PRKCI: variants seen among roughly 807,000 people sequenced by gnomAD.
PRKCI encodes protein kinase C iota, also known as protein kinase C iota type.
A neutral mutation model predicts 84.0 loss-of-function variants in PRKCI; 43 were observed. The ratio of observed to expected loss-of-function variants is 0.51; its 90% confidence interval spans 0.40 to 0.66. The LOEUF (loss-of-function observed/expected upper bound fraction) is 0.66. PRKCI is among the 30% of genes least tolerant of loss of function. PRKCI has a pLI of 0.00. For synonymous variants in PRKCI, 216 were observed against 234.4 expected, an observed-to-expected ratio of 0.92 and a Z score of 0.72; for missense variants, 459 against 745.6, an observed-to-expected ratio of 0.62 and a Z score of 4.48.
chr3:170,251,736 C>A (rs1351597344), intron 2 of PRKCI, among the ~76,000 whole-genome samples: 3 of 151,482 alleles, frequency 2.0e-5, no homozygotes, highest in Non-Finnish European at 4.4e-5. Flanking sequence ...ATGGTGAAAC[C>A]CTGTCTCTAC....
intron 1 of PRKCI, among the ~76,000 whole-genome samples, chr3:170,230,853 G>A (rs1481170967): frequency 6.6e-6 from 1 of 151,994 alleles, no homozygotes; most frequent in Non-Finnish European, 1.5e-5. Flanking sequence ...GATTTTAGGG[G>A]AGAGATCTAT....
intron 14 of PRKCI, among the ~76,000 whole-genome samples, chr3:170,294,487 C>T (rs370757307): frequency 1.3e-4 from 20 of 152,276 alleles, no homozygotes; most frequent in East Asian, 5.8e-4. Context: ...CATTTCATAT[C>T]GGTACATTTG....
chr3:170,280,348 C>A lies in PRKCI; in HGVS notation c.827C>A (p.Thr276Lys). The A allele has an allele frequency of 3.7e-6, 6 of 1,613,650 alleles. No homozygotes were observed. Among genetic ancestry groups the A allele is most frequent in the Non-Finnish European group, 5.1e-6 (6 of 1,179,802 alleles). ...AKVLLVRLKKTDRIYAMKVVK... is the reference protein window; with the variant it reads ...AKVLLVRLKKKDRIYAMKVVK... ...GTACTGTTGGTTCGATTAAAAAAAACAGATCGTATTTATGCAATGAAAGTT... is the reference window on the plus strand; with the variant it reads ...GTACTGTTGGTTCGATTAAAAAAAAAAGATCGTATTTATGCAATGAAAGTT... The change falls in exon 9 of 18, where the codon ACA becomes AAA. Residue 276 changes from threonine (T) to lysine (K), a missense_variant. Thr to Lys is a moderately conservative substitution (Grantham distance 78, BLOSUM62 -1). Coordinates refer to ENST00000295797, the MANE Select transcript of PRKCI (RefSeq NM_002740.6).
intron 1 of PRKCI, among the ~76,000 whole-genome samples, chr3:170,230,950 A>ATT (rs748473877): frequency 2.7e-4 from 37 of 138,008 alleles, no homozygotes; most frequent in African/African-American, 6.4e-4. Context: ...TCATTATTTA[A>ATT]TTTTTTTTTT....
chr3:170,295,401 G>T (rs1005784084), intron 14 of PRKCI, among the ~76,000 whole-genome samples: 1 of 151,920 alleles, frequency 6.6e-6, no homozygotes, highest in African/African-American at 2.4e-5. Context: ...GGGCGCAGTG[G>T]CTCACACCTG....
chr3:170,250,432 A>AC (rs67204438), intron 2 of PRKCI, among the ~76,000 whole-genome samples: 11,317 of 55,112 alleles, frequency 0.21, 1,617 homozygotes, highest in Non-Finnish European at 0.24. Context: ...TTCATTACCA[A>AC]CCCCCCCCCC....
intron 6 of PRKCI, among the ~76,000 whole-genome samples, 190 bp downstream of exon 6, chr3:170,270,751 A>G (rs1733982832): frequency 6.6e-6 from 1 of 152,162 alleles, no homozygotes; most frequent in Non-Finnish European, 1.5e-5. Flanking sequence ...TATCTGTGGT[A>G]ATACTTGTCT....
intron 3 of PRKCI, among the ~76,000 whole-genome samples, chr3:170,262,645 A>AT (rs1000054831): frequency 9.9e-5 from 15 of 151,564 alleles, no homozygotes; most frequent in South Asian, 2.1e-4. Context: ...TGCCAGGCTA[A>AT]TTTTTTTTGT....
At chr3:170,238,378 A>G (rs1420322603) in intron 2 of PRKCI, among the ~76,000 whole-genome samples, 2 of 151,554 alleles carry the variant, frequency 1.3e-5, no homozygotes, top group Non-Finnish European at 2.9e-5. Flanking sequence ...AAAAAAAATT[A>G]TATACAAATC....
rs375200459 is a variant in PRKCI, at chr3:170,281,171, T to C, written c.888T>C (p.Ile296=). The C allele has an allele frequency of 7.4e-6, 12 of 1,612,248 alleles. No homozygotes were observed. In the African/African-American group the frequency reaches 1.1e-4, roughly 14 times the overall value. Residue 296 remains isoleucine (I), a synonymous_variant, in exon 10 of 18, where the codon ATT becomes ATC. Coordinates refer to ENST00000295797, the MANE Select transcript of PRKCI (RefSeq NM_002740.6). ...TCTTACATGTTTCAAAATAGGATAT[T>C]GATTGGGTACAGACAGAGAAGCATG... is the stretch of plus-strand genomic sequence containing the variant. ...KKELVNDDED[I]DWVQTEKHVF...
At chr3:170,284,372 T>C in intron 11 of PRKCI, 89 bp from the exon 12 acceptor site, 7 of 1,146,374 alleles carry the variant, frequency 6.1e-6, no homozygotes, top group South Asian at 1.8e-5. Flanking sequence ...GAAAAAAATA[T>C]GTTTTAATAT....
intron 10 of PRKCI, 163 bp from the exon 11 acceptor site, chr3:170,281,719 G>T (rs182122862): frequency 9.1e-5 from 76 of 834,854 alleles, no homozygotes; most frequent in Non-Finnish European, 1.1e-4. Flanking sequence ...TTACTTTCTC[G>T]TATGTTCCGT....
intron 14 of PRKCI, 65 bp from the exon 15 acceptor site, chr3:170,295,846 A>G: frequency 5.0e-6 from 5 of 996,548 alleles, no homozygotes; most frequent in Non-Finnish European, 7.2e-6. Flanking sequence ...CCCTTTCAAA[A>G]AAGAAGAAAA....
chr3:170,267,693 AAAG>A (rs1270061445), intron 4 of PRKCI, among the ~76,000 whole-genome samples: 6 of 151,512 alleles, frequency 4.0e-5, no homozygotes, highest in African/African-American at 1.5e-4. Flanking sequence ...AAAAAAAAAA[AAAG>A]GACAAGCAGT....
rs564820079 is a variant in PRKCI, at chr3:170,294,141, T to G, written c.1417+633T>G. On this transcript the variant is annotated intron_variant, in intron 14 of 17. Transcript: ENST00000295797. ...GAAAGGAATCCTGTGGCTAGAGAGA[T>G]AATCTTTACACAGGGACCCTGAGGC... Among the ~76,000 whole-genome samples, 12 of 152,250 alleles carry G rather than the reference T, an allele frequency of 7.9e-5. No individual in the cohort carries two copies. In the East Asian group the frequency reaches 1.7e-3, roughly 22 times the overall value.
rs1734212721 is a variant in PRKCI at position 170,280,408 on chromosome 3, G to A, written c.882+5G>A. 1 of 1,603,976 alleles carries A rather than the reference G, an allele frequency of 6.2e-7. No individual in the cohort carries two copies. The highest frequency in any genetic ancestry group is 8.5e-7 in the Non-Finnish European group (1 of 1,174,844). ...GAGCTTGTTAATGATGATGAGGTAA[G>A]CACTGCATATTTTATTGCTTCTAAA... On this transcript the variant is annotated splice_donor_5th_base_variant and intron_variant, in intron 9 of 17. Coordinates refer to ENST00000295797, the MANE Select transcript of PRKCI (RefSeq NM_002740.6).
chr3:170,237,676 T>A (rs963892347), intron 2 of PRKCI, among the ~76,000 whole-genome samples: 1 of 152,222 alleles, frequency 6.6e-6, no homozygotes, highest in Non-Finnish European at 1.5e-5. Context: ...TTCCCTGATA[T>A]AAAGAACTCT....
intron 12 of PRKCI, 30 bp downstream of exon 12, chr3:170,284,626 G>T: frequency 1.3e-6 from 2 of 1,594,626 alleles, no homozygotes; most frequent in Non-Finnish European, 1.7e-6. Context: ...TATTTTAAAA[G>T]GTCTTCAGCA....
intron 2 of PRKCI, among the ~76,000 whole-genome samples, chr3:170,248,629 C>T (rs1336711357): frequency 1.3e-5 from 2 of 152,160 alleles, no homozygotes; most frequent in African/African-American, 2.4e-5. Context: ...CTTGAACATT[C>T]AGTCCAAGAA....
Sources: allele counts gnomAD v4.1 joint callset (sites outside exome capture counted in the v4.1 genomes callset), GRCh38; gene constraint gnomAD v4.1.1; transcripts MANE v1.5; gene names NCBI Gene and HGNC (gene_info 2026-07-23, HGNC 2026-07-21).